The following TEX2 variants were observed in gnomAD, a reference collection of about 807,000 sequenced individuals.
TEX2 encodes testis-expressed protein 2.
Under a neutral mutation model 106.9 loss-of-function variants are expected in TEX2, and 53 were observed. The observed-to-expected ratio is 0.50, with a 90% CI of 0.40 to 0.62. The LOEUF is 0.62. TEX2 is among the 20% of genes least tolerant of loss of function. The pLI, the probability that TEX2 is intolerant of heterozygous loss-of-function variation, is 0.00. For synonymous variants in TEX2, 523 were observed against 534.8 expected, an observed-to-expected ratio of 0.98 and a Z score of 0.30; for missense variants, 1,207 against 1,379.0, an observed-to-expected ratio of 0.88 and a Z score of 1.98.
At chr17:64,222,206 T>G (rs782457064) in intron 1 of TEX2, among the ~76,000 whole-genome samples, 1 of 152,164 alleles carries the variant, frequency 6.6e-6, no homozygotes, top group Non-Finnish European at 1.5e-5. Context: ...CCAGTATATG[T>G]GCAGGTTAGT....
chr17:64,171,146 A>G lies in TEX2; in HGVS notation c.2625T>C (p.Ala875=), dbSNP rs1292741352. The G allele has an allele frequency of 3.1e-6, 5 of 1,613,986 alleles. No homozygotes were observed. The highest frequency in any genetic ancestry group is 1.7e-5 in the Admixed American group (1 of 60,008). ...TGAAGGCCTGGAGGATTTTTGGCACAGCCACGCCCATGTCAAGTTCCGTCA... is the reference window on the plus strand; with the variant it reads ...TGAAGGCCTGGAGGATTTTTGGCACGGCCACGCCCATGTCAAGTTCCGTCA... The part of the protein sequence containing the change: ...LTLTELDMGV[A]VPKILQAFKP... Residue 875 remains alanine, a synonymous_variant, in exon 7 of 12, where the codon GCT becomes GCC. Transcript: ENST00000584379.
At chr17:64,210,659 T>G (rs1310008892) in intron 2 of TEX2, among the ~76,000 whole-genome samples, 4 of 75,260 alleles carry the variant, frequency 5.3e-5, no homozygotes, top group East Asian at 1.0e-3. Context: ...TTTTTTTTTT[T>G]GCAATAGGGA....
chr17:64,247,964 C>G (rs905461296), intron 1 of TEX2, among the ~76,000 whole-genome samples: 6 of 152,078 alleles, frequency 3.9e-5, no homozygotes, highest in African/African-American at 1.4e-4. Context: ...ATCCACATTC[C>G]TTTGGATGGT....
At chr17:64,236,716 TTAAGAA>T (rs1380305805) in intron 1 of TEX2, among the ~76,000 whole-genome samples, 4 of 152,186 alleles carry the variant, frequency 2.6e-5, no homozygotes, top group African/African-American at 9.7e-5. Flanking sequence ...AGGAATTAAT[TTAAGAA>T]TAACACCTAG....
At chr17:64,149,558 T>A (rs2030235642) in intron 11 of TEX2, 1 of 153,814 alleles carries the variant, frequency 6.5e-6, no homozygotes, top group Non-Finnish European at 1.4e-5. Context: ...GGCAGGCAGA[T>A]CATCTGAGGT....
intron 1 of TEX2, among the ~76,000 whole-genome samples, chr17:64,251,217 C>T (rs762916233): frequency 2.0e-5 from 3 of 152,278 alleles, no homozygotes; most frequent in South Asian, 2.1e-4. Flanking sequence ...CTTACAGATA[C>T]CAGAGCCCCT....
intron 4 of TEX2, among the ~76,000 whole-genome samples, chr17:64,190,718 G>A (rs948438922): frequency 1.3e-5 from 2 of 152,128 alleles, no homozygotes; most frequent in Admixed American, 6.5e-5. Flanking sequence ...TTATTCCTCC[G>A]GGAGGCCTTT....
chr17:64,199,227 T>G (rs2032577979), intron 2 of TEX2, among the ~76,000 whole-genome samples: 1 of 152,092 alleles, frequency 6.6e-6, no homozygotes, highest in Non-Finnish European at 1.5e-5. Flanking sequence ...CATGAAAATA[T>G]GTAATTTTAT....
Position 64,213,329 on chromosome 17 carries a change from C to T in TEX2, c.889G>A (p.Val297Ile). The T allele has an allele frequency of 5.6e-6, 9 of 1,614,062 alleles. No individual in the cohort carries two copies. The highest frequency in any genetic ancestry group is 7.6e-6 in the Non-Finnish European group (9 of 1,180,042). The change falls in exon 2 of 12, where the codon GTC (valine) becomes ATC (isoleucine). Residue 297 changes from valine to isoleucine, a missense_variant. Val to Ile is a conservative substitution (Grantham distance 29). Transcript: ENST00000584379. This position sits in a 1 kb window ranked among gnomAD's most constrained non-coding sequence, Gnocchi z 4.4. Reference protein sequence around the residue: ...IEDTKRRLSEVIYEPFQLLSK... With the variant: ...IEDTKRRLSEIIYEPFQLLSK... ...AGGAGCTGAAAAGGCTCATAGATGA[C>T]TTCTGAAAGGCGTCGTTTAGTATCT... is the stretch of plus-strand genomic sequence containing the variant.
chr17:64,183,792 A>T (rs1255713229), intron 5 of TEX2, among the ~76,000 whole-genome samples: 1 of 148,842 alleles, frequency 6.7e-6, no homozygotes, highest in African/African-American at 2.4e-5. Context: ...AAAAATTTTT[A>T]TTATTTATTT....
chr17:64,258,722 G>C (rs1450654216), intron 1 of TEX2, among the ~76,000 whole-genome samples: 3 of 151,698 alleles, frequency 2.0e-5, no homozygotes, highest in African/African-American at 7.3e-5. Flanking sequence ...TAGCAGTAGG[G>C]GATGGCACTA....
rs183102320 is a variant in TEX2 at position 64,202,706 on chromosome 17, A to C, written c.1645-7611T>G. ...TATTCATCCAACCTTGTTATGAGACATGGGAATGGGTATAGAGAGATATGG... is the reference window on the plus strand; with the variant it reads ...TATTCATCCAACCTTGTTATGAGACCTGGGAATGGGTATAGAGAGATATGG... On this transcript the variant is annotated intron_variant, in intron 2 of 11. Transcript: ENST00000584379. Among the ~76,000 whole-genome samples, 230 of 152,318 alleles carry C rather than the reference A, an allele frequency of 1.5e-3. 2 individuals carry two copies. Among genetic ancestry groups the C allele is most frequent in the Non-Finnish European group, 2.5e-4 (17 of 68,038 alleles).
rs1202072294 is a variant in TEX2 at position 64,147,900 on chromosome 17, G to A, written c.*1069C>T. 6.6e-6 allele frequency: 1 copy of A among 152,562 alleles called. No individual in the cohort carries two copies. The highest frequency in any genetic ancestry group is 1.5e-5 in the Non-Finnish European group (1 of 68,024). 9.5% of individuals were successfully genotyped at this position (152,562 alleles called of 1,614,324 possible). The stretch of plus-strand genomic sequence containing the variant: ...AAAAATGGTATTAGGTTTACTTCTC[G>A]AAGCAAAGAGAGCCCCCAACCTTGT... On this transcript the variant is annotated 3_prime_UTR_variant, in exon 12 of 12. Transcript: ENST00000584379.
chr17:64,218,963 G>C (rs2033272608), intron 1 of TEX2, among the ~76,000 whole-genome samples: 1 of 152,060 alleles, frequency 6.6e-6, no homozygotes, highest in Non-Finnish European at 1.5e-5. Context: ...AATACCTCCA[G>C]GGACCTGGCA....
At chr17:64,261,434 G>A (rs2034285349) in intron 1 of TEX2, among the ~76,000 whole-genome samples, 1 of 152,070 alleles carries the variant, frequency 6.6e-6, no homozygotes, top group African/African-American at 2.4e-5. Context: ...CATTATGTTT[G>A]GTATATGCTG....
chr17:64,150,887 A>G lies in TEX2; in HGVS notation c.3215T>C (p.Val1072Ala), dbSNP rs776457158. 45 of 1,613,820 alleles carry G rather than the reference A, an allele frequency of 2.8e-5. No homozygotes were observed. In the East Asian group the frequency reaches 9.8e-4, roughly 35 times the overall value. ...CTTCTCTATCCAGTCTGTCACATGA[A>G]CTAAAGTCACTTCTCTCTCTCCAAG... ...PKLGEREVTL[V>A]HVTDWIEKKL... is the part of the protein sequence containing the mutation. The change falls in exon 11 of 12, where the codon GTT (valine) becomes GCT (alanine). Residue 1072 changes from valine (V) to alanine (A), a missense_variant. Val to Ala is a moderately conservative substitution (Grantham distance 64). Transcript: ENST00000584379.
At chr17:64,193,196 G>A (rs1371036086) in intron 4 of TEX2, among the ~76,000 whole-genome samples, 4 of 152,204 alleles carry the variant, frequency 2.6e-5, no homozygotes, top group African/African-American at 7.2e-5. Context: ...GACATATTGA[G>A]GGTCAGGTGC....
chr17:64,260,873 G>A (rs751743555), intron 1 of TEX2, among the ~76,000 whole-genome samples: 6 of 152,164 alleles, frequency 3.9e-5, no homozygotes, highest in Non-Finnish European at 8.8e-5. Context: ...GAGACAGTGT[G>A]TGTTTAATGA....
intron 1 of TEX2, among the ~76,000 whole-genome samples, chr17:64,214,700 G>A (rs535193525): frequency 6.6e-6 from 1 of 152,238 alleles, no homozygotes; most frequent in East Asian, 1.9e-4. Flanking sequence ...ACCCAGGAGG[G>A]GTATTGCGTT....
Sources: gnomAD v4.1 joint callset for allele counts (sites outside exome capture counted in the v4.1 genomes callset) on GRCh38, gnomAD v4.1.1 for gene constraint, Gnocchi (gnomAD v3.1) non-coding constraint, MANE v1.5 for transcripts, NCBI Gene and HGNC (gene_info 2026-07-23, HGNC 2026-07-21) for gene names.